ERC2: variants seen among roughly 807,000 people sequenced by gnomAD.
The protein encoded by ERC2 is ELKS/RAB6-interacting/CAST family member 2.
In ERC2, 42 loss-of-function variants were observed where a neutral mutation model predicts 114.8. That is an observed-to-expected ratio of 0.37 (90% CI 0.29 to 0.47). ERC2 has a LOEUF of 0.47. Among genes scored for constraint, ERC2 ranks in the 20% least tolerant of loss-of-function variants. ERC2 has a pLI of 0.99. For missense variants in ERC2, 939 were observed against 1,150.7 expected (o/e 0.82, Z 2.66); for synonymous variants, 454 against 425.5 (o/e 1.07, Z -0.82).
intron 12 of ERC2, among the ~76,000 whole-genome samples, chr3:55,952,158 C>CACAG (rs1559922067): frequency 1.5e-4 from 9 of 59,890 alleles, no homozygotes; most frequent in Non-Finnish European, 3.4e-4. Flanking sequence ...CACACACACA[C>CACAG]ACACACACAC....
At chr3:56,107,246 C>T (rs2078714906) in intron 6 of ERC2, among the ~76,000 whole-genome samples, 1 of 148,092 alleles carries the variant, frequency 6.8e-6, no homozygotes, top group Non-Finnish European at 1.5e-5. Flanking sequence ...TCCAATCACA[C>T]AAATCATTAA....
chr3:55,617,495 G>A (rs1271886535), intron 17 of ERC2, among the ~76,000 whole-genome samples: 3 of 152,048 alleles, frequency 2.0e-5, no homozygotes, highest in Non-Finnish European at 4.4e-5. Flanking sequence ...ATTCCCCTCC[G>A]GCCAGCAGGA....
At chr3:55,917,470 A>C (rs2065164112) in intron 13 of ERC2, among the ~76,000 whole-genome samples, 1 of 152,162 alleles carries the variant, frequency 6.6e-6, no homozygotes. Context: ...ACATTATCCT[A>C]AGAAAAAGAA....
intron 17 of ERC2, among the ~76,000 whole-genome samples, chr3:55,525,284 A>AT (rs1447944625): frequency 6.6e-6 from 1 of 152,110 alleles, no homozygotes; most frequent in Non-Finnish European, 1.5e-5. Context: ...ACAAGCAATC[A>AT]TTTTTGCCAG....
At chr3:55,946,092 A>T (rs2067108358) in intron 13 of ERC2, among the ~76,000 whole-genome samples, 1 of 151,818 alleles carries the variant, frequency 6.6e-6, no homozygotes, top group Admixed American at 6.6e-5. Context: ...AAAAATAAAA[A>T]AATAAAAAAA....
intron 12 of ERC2, among the ~76,000 whole-genome samples, chr3:55,968,887 C>T (rs527933965): frequency 1.3e-5 from 2 of 152,212 alleles, no homozygotes; most frequent in East Asian, 3.9e-4. Context: ...ATACCAATGG[C>T]TTTTTTTCTT....
chr3:56,181,943 G>T (rs924590497), intron 3 of ERC2, among the ~76,000 whole-genome samples: 3 of 152,204 alleles, frequency 2.0e-5, no homozygotes, highest in African/African-American at 7.2e-5. Context: ...GATGACTGCA[G>T]CCCTGTCCAA....
intron 17 of ERC2, among the ~76,000 whole-genome samples, chr3:55,626,647 G>A (rs986203849): frequency 2.0e-5 from 3 of 152,206 alleles, no homozygotes; most frequent in African/African-American, 4.8e-5. Context: ...GGTGGCATTG[G>A]AAAAGTAACC....
intron 14 of ERC2, among the ~76,000 whole-genome samples, chr3:55,881,269 G>A (rs930848572): frequency 2.6e-5 from 4 of 152,168 alleles, no homozygotes; most frequent in African/African-American, 9.6e-5. Context: ...ATAAGCTGCT[G>A]TCTTACCTCA....
chr3:56,146,488 T>C (rs1029454507), intron 5 of ERC2, among the ~76,000 whole-genome samples: 2 of 152,194 alleles, frequency 1.3e-5, no homozygotes, highest in African/African-American at 4.8e-5. Context: ...TAAGAATTCA[T>C]CTTATTTGTA....
chr3:55,611,405 A>G (rs980785330), intron 17 of ERC2, among the ~76,000 whole-genome samples: 1 of 152,216 alleles, frequency 6.6e-6, no homozygotes, highest in African/African-American at 2.4e-5. Context: ...GCTTCCAGGC[A>G]CAGACATCTG....
At chr3:56,414,088 G>A (rs565695709) in intron 2 of ERC2, among the ~76,000 whole-genome samples, 1 of 152,334 alleles carries the variant, frequency 6.6e-6, no homozygotes, top group East Asian at 1.9e-4. Context: ...ATGGGCAGCT[G>A]TAGAAATCCA....
At position 55,875,819 on chromosome 3, in the gene ERC2, C is replaced by T. The variant is rs1032470129; in HGVS notation, c.2564+12570G>A. Among the ~76,000 whole-genome samples, 15 of 152,144 alleles carry T rather than the reference C, an allele frequency of 9.9e-5. No individual in the cohort carries two copies. In the East Asian group the frequency reaches 2.3e-3, roughly 24 times the overall value. On this transcript the variant is annotated intron_variant, in intron 14 of 17. Transcript: ENST00000288221. ...ATTACAATCTAGCAAGATAACCATG[C>T]TGAGACAATGCAGAAAGCATTTTGA...
intron 5 of ERC2, among the ~76,000 whole-genome samples, chr3:56,145,716 C>A (rs1420090574): frequency 6.6e-6 from 1 of 152,090 alleles, no homozygotes; most frequent in African/African-American, 2.4e-5. Flanking sequence ...GTTTTGCAAC[C>A]CATCTTCTAC....
intron 12 of ERC2, among the ~76,000 whole-genome samples, chr3:55,954,232 G>C (rs1001102557): frequency 6.6e-6 from 1 of 150,944 alleles, no homozygotes; most frequent in African/African-American, 2.4e-5. Context: ...GGAAAATATA[G>C]TGGTAAGGTT....
At chr3:55,957,273 G>C (rs543671441) in intron 12 of ERC2, among the ~76,000 whole-genome samples, 2 of 152,160 alleles carry the variant, frequency 1.3e-5, no homozygotes, top group Non-Finnish European at 2.9e-5. Context: ...AGGGGACCAA[G>C]AGGCAGTGCA....
intron 15 of ERC2, among the ~76,000 whole-genome samples, chr3:55,732,948 C>G (rs2065347433): frequency 6.6e-6 from 1 of 152,156 alleles, no homozygotes; most frequent in Non-Finnish European, 1.5e-5. Flanking sequence ...ACCCCCACCC[C>G]CAATGACGGG....
At chr3:55,659,879 C>T (rs2061046935) in intron 17 of ERC2, among the ~76,000 whole-genome samples, 1 of 151,910 alleles carries the variant, frequency 6.6e-6, no homozygotes, top group South Asian at 2.1e-4. Context: ...AGGGTCACTA[C>T]TTCTGGCTTC....
At chr3:56,048,806 C>T (rs936863849) in intron 7 of ERC2, among the ~76,000 whole-genome samples, 3 of 152,126 alleles carry the variant, frequency 2.0e-5, no homozygotes, top group African/African-American at 7.2e-5. Context: ...ATAAACAAGT[C>T]AACAAATGCA....
Sources: gnomAD v4.1 joint callset for allele counts (sites outside exome capture counted in the v4.1 genomes callset) on GRCh38, gnomAD v4.1.1 for gene constraint, MANE v1.5 for transcripts, NCBI Gene and HGNC (gene_info 2026-07-23, HGNC 2026-07-21) for gene names.